ZNF814: variants seen among roughly 807,000 people sequenced by gnomAD.
The protein encoded by ZNF814 is zinc finger protein 814.
Under a neutral mutation model 7.5 loss-of-function variants are expected in ZNF814, and 5 were observed. The ratio of observed to expected loss-of-function variants is 0.67; its 90% CI spans 0.35 to 1.40. The LOEUF is 1.40. Among genes scored for constraint, ZNF814 ranks in the 40% most tolerant of loss-of-function variants. The pLI, the probability that ZNF814 is intolerant of heterozygous loss-of-function variation, is 0.04. For missense variants in ZNF814, 962 were observed against 1,018.0 expected (o/e 0.94, Z 0.75); for synonymous variants, 315 against 340.7 (o/e 0.92, Z 0.83).
At chr19:57,876,496 A>G (rs1040042459) in intron 2 of ZNF814, 1 of 234,336 alleles carries the variant, frequency 4.3e-6, no homozygotes, top group African/African-American at 2.3e-5. Flanking sequence ...TTCAAGGAGA[A>G]TTTCTAAAGA....
chr19:57,889,840 G>C (rs1171960992), upstream of ZNF814, among the ~76,000 whole-genome samples: 2 of 152,072 alleles, frequency 1.3e-5, no homozygotes, highest in African/African-American at 4.8e-5. Context: ...TCCAGCCTGG[G>C]TGACACAGCA....
intron 1 of ZNF814, among the ~76,000 whole-genome samples, chr19:57,878,930 T>C (rs1458990246): frequency 3.3e-5 from 5 of 151,788 alleles, no homozygotes; most frequent in Non-Finnish European, 7.4e-5. Flanking sequence ...CACGCACACA[T>C]ACACATGCAC....
In ZNF814 at chr19:57,876,926, T is replaced by C. The variant is rs367808493; in HGVS notation, c.153A>G (p.Ile51Met). Residue 51 changes from isoleucine (I) to methionine (M), a missense_variant, in exon 2 of 3, where the codon ATA becomes ATG. By Grantham distance (10) the Ile-to-Met change is conservative. Transcript: ENST00000435989. ...RDVTLENLAL[I>M]SSLGCWCGVE... ...GTGTGAGCAACTTACCCAGGGAGGA[T>C]ATAAGTGCCAGGTTCTCCAGCGTCA... 7.7e-5 allele frequency: 124 copies of C among 1,614,094 alleles called. 1 individual carries two copies. In the African/African-American group the frequency reaches 9.2e-4, roughly 12 times the overall value.
At chr19:57,903,655 C>G in the ZNF814 span, among the ~76,000 whole-genome samples, 1 of 152,154 alleles carries the variant, frequency 6.6e-6, no homozygotes, top group South Asian at 2.1e-4. Flanking sequence ...GCGAGGCAGC[C>G]AATGGGTTGT....
the ZNF814 span, among the ~76,000 whole-genome samples, chr19:57,903,106 G>T: frequency 6.6e-6 from 1 of 152,108 alleles, no homozygotes; most frequent in Admixed American, 6.6e-5. Context: ...AAGGAGTTTG[G>T]ATCCCTGTGT....
At chr19:57,886,716 T>TA (rs2071696751) in intron 1 of ZNF814, among the ~76,000 whole-genome samples, 1 of 151,934 alleles carries the variant, frequency 6.6e-6, no homozygotes, top group African/African-American at 2.4e-5. Flanking sequence ...CCATCTCTAC[T>TA]AAAAATACAA....
chr19:57,898,889 G>A, the ZNF814 span, among the ~76,000 whole-genome samples: 1 of 149,008 alleles, frequency 6.7e-6, no homozygotes, highest in African/African-American at 2.5e-5. Flanking sequence ...ACAGTGAGCT[G>A]AGATCGTGCC....
chr19:57,888,680 G>C (rs1433786968), intron 1 of ZNF814, 87 bp downstream of exon 1: 8 of 1,499,966 alleles, frequency 5.3e-6, no homozygotes. Context: ...CGGCGTCCGG[G>C]CTGCAGAGCC....
intron 1 of ZNF814, among the ~76,000 whole-genome samples, chr19:57,877,885 C>A (rs144829918): frequency 7.0e-4 from 107 of 152,124 alleles, no homozygotes; most frequent in African/African-American, 2.3e-3. Flanking sequence ...TTGTATTGAG[C>A]CAGGCGCGGT....
chr19:57,874,865 A>C lies in ZNF814; in HGVS notation c.525T>G (p.Ser175Arg), dbSNP rs1380167156. ...VSGESSVFSE[S>R]GKDFLPRSGL... The stretch of plus-strand genomic sequence containing the variant: ...CTGACCTGGGCAAAAAGTCCTTCCC[A>C]CTCTCACTGAAGACAGATGACTCCC... Residue 175 changes from serine (S) to arginine (R), a missense_variant, in exon 3 of 3, where the codon AGT (serine) becomes AGG (arginine). By Grantham distance (110) the Ser-to-Arg change is moderately radical. This residue lies in a region of ZNF814 where 126 missense variants were observed against 123.5 expected (regional missense o/e 1.02). Transcript: ENST00000435989. The C allele has an allele frequency of 6.2e-7, 1 of 1,613,844 alleles. No homozygotes were observed. Among genetic ancestry groups the C allele is most frequent in the Non-Finnish European group, 8.5e-7 (1 of 1,179,988 alleles).
intron 1 of ZNF814, among the ~76,000 whole-genome samples, chr19:57,878,426 T>C (rs1052157020): frequency 2.6e-5 from 4 of 151,920 alleles, no homozygotes; most frequent in African/African-American, 7.3e-5. Flanking sequence ...CCTGGTCCCA[T>C]TGATCGAAAG....
At chr19:57,900,972 G>A in the ZNF814 span, among the ~76,000 whole-genome samples, 21 of 148,694 alleles carry the variant, frequency 1.4e-4, no homozygotes, top group South Asian at 4.3e-4. Flanking sequence ...TCAGCCTCCC[G>A]AGTAGCTGGG....
chr19:57,872,861 G>C lies in ZNF814; in HGVS notation c.2529C>G (p.Leu843=). Residue 843 remains leucine (L), a synonymous_variant, in exon 3 of 3, where the codon CTC becomes CTG. Coordinates refer to ENST00000435989, the MANE Select transcript of ZNF814 (RefSeq NM_001144989.2). ...CGKLFNKKSH[L]LVHQSSHWRK... ...TCCAGTGTGAACTCTGGTGTACAAG[G>C]AGGTGAGACTTCTTGTTAAATAATT... The C allele has an allele frequency of 6.2e-7, 1 of 1,612,610 alleles. No individual in the cohort carries two copies. The highest frequency in any genetic ancestry group is 8.5e-7 in the Non-Finnish European group (1 of 1,179,426).
chr19:57,873,666 G>C lies in ZNF814; in HGVS notation c.1724C>G (p.Ser575Cys), dbSNP rs368983160. ...LHQRVHPRER[S>C]YGCGECGKSF... ...TTTCCCACATTCTCCACACCCATAA[G>C]ATCTTTCTCTAGGGTGAACTCGCTG... Residue 575 changes from serine (S) to cysteine (C), a missense_variant, in exon 3 of 3, where the codon TCT becomes TGT. By Grantham distance (112) the Ser-to-Cys change is moderately radical. Transcript: ENST00000435989. 19 of 1,613,744 alleles carry C rather than the reference G, an allele frequency of 1.2e-5. No individual in the cohort carries two copies. In the South Asian group the frequency reaches 2.0e-4, roughly 17 times the overall value.
chr19:57,883,652 C>G (rs1198957851), intron 1 of ZNF814, among the ~76,000 whole-genome samples: 1 of 100,894 alleles, frequency 9.9e-6, no homozygotes, highest in East Asian at 2.7e-4. Flanking sequence ...CAGAGAGAGA[C>G]CCTGTCTCAA....
At position 57,869,732 on chromosome 19, in the gene ZNF814, G is replaced by C. The variant is rs2071539961; in HGVS notation, c.*3090C>G. The C allele has an allele frequency of 6.6e-6, 1 of 151,786 alleles. No individual in the cohort carries two copies. Among genetic ancestry groups the C allele is most frequent in the African/African-American group, 2.4e-5 (1 of 41,320 alleles). 9.4% of individuals were successfully genotyped at this position (151,786 alleles called of 1,614,324 possible). A position where few individuals can be genotyped will look rare whatever the true frequency, so the allele number is the denominator to read the frequency against. On this transcript the variant is annotated 3_prime_UTR_variant, in exon 3 of 3. Coordinates refer to ENST00000435989, the MANE Select transcript of ZNF814 (RefSeq NM_001144989.2). ...GGCTGAGGCAGGCATATCACCTGAG[G>C]TCAGGAGTCCAAGATCAGCCTGGCC...
At chr19:57,894,654 C>T in the ZNF814 span, among the ~76,000 whole-genome samples, 1 of 151,562 alleles carries the variant, frequency 6.6e-6, no homozygotes, top group Non-Finnish European at 1.5e-5. Flanking sequence ...ACGGTGAAAC[C>T]CCGTCTCTAC....
At chr19:57,883,458 C>T (rs2071664906) in intron 1 of ZNF814, among the ~76,000 whole-genome samples, 2 of 151,572 alleles carry the variant, frequency 1.3e-5, no homozygotes, top group African/African-American at 4.8e-5. Flanking sequence ...GTCAAGAGAT[C>T]GAGACTATTC....
chr19:57,891,716 G>A (rs893416584), upstream of ZNF814, among the ~76,000 whole-genome samples: 9 of 151,892 alleles, frequency 5.9e-5, no homozygotes, highest in East Asian at 3.9e-4. Context: ...TTAGCCGGGC[G>A]GCTCTGTCTA....
Sources: gnomAD v4.1 joint callset for allele counts (sites outside exome capture counted in the v4.1 genomes callset) on GRCh38, gnomAD v4.1.1 for gene constraint, gnomAD v4.1.1 regional missense constraint, MANE v1.5 for transcripts, NCBI Gene and HGNC (gene_info 2026-07-23, HGNC 2026-07-21) for gene names.